Variants in TSHZ2 observed in about 807,000 individuals in gnomAD.
The protein encoded by TSHZ2 is teashirt zinc finger homeobox 2.
In TSHZ2, 21 loss-of-function variants were observed where a neutral mutation model predicts 74.4. The observed-to-expected ratio is 0.28, with a 90% confidence interval of 0.20 to 0.41. The LOEUF is 0.41. Among genes scored for constraint, TSHZ2 ranks in the 10% least tolerant of loss-of-function variants. TSHZ2 has a pLI of 1.00. For synonymous variants in TSHZ2, 540 were observed against 515.3 expected (o/e 1.05, Z -0.65); for missense variants, 1,244 against 1,293.5 (o/e 0.96, Z 0.59).
chr20:53,465,984 AG>A (rs1468661511), intron 2 of TSHZ2, among the ~76,000 whole-genome samples: 5 of 149,352 alleles, frequency 3.3e-5, no homozygotes, highest in Non-Finnish European at 4.5e-5. Context: ...AAAAAAAAAA[AG>A]ACTGTAATCC....
At chr20:53,248,560 T>A (rs1990258405) in intron 1 of TSHZ2, among the ~76,000 whole-genome samples, 1 of 152,236 alleles carries the variant, frequency 6.6e-6, no homozygotes, top group East Asian at 1.9e-4. Context: ...GTATGTCTGC[T>A]AATACATATG....
chr20:53,379,815 A>G (rs1432617326), intron 2 of TSHZ2, among the ~76,000 whole-genome samples: 1 of 152,236 alleles, frequency 6.6e-6, no homozygotes, highest in African/African-American at 2.4e-5. Flanking sequence ...GGTTATAATT[A>G]TCAAACATAT....
At chr20:53,218,629 C>T (rs1176826755) in intron 1 of TSHZ2, among the ~76,000 whole-genome samples, 1 of 152,224 alleles carries the variant, frequency 6.6e-6, no homozygotes, top group Non-Finnish European at 1.5e-5. Flanking sequence ...CTCCCCAATA[C>T]CTACCTCTTT....
intron 2 of TSHZ2, among the ~76,000 whole-genome samples, chr20:53,388,242 T>C (rs1568895903): frequency 6.6e-6 from 1 of 152,170 alleles, no homozygotes; most frequent in Non-Finnish European, 1.5e-5. Context: ...TTCTCTTCAG[T>C]AGGTGAAGAA....
intron 2 of TSHZ2, among the ~76,000 whole-genome samples, chr20:53,258,538 A>G (rs1362687637): frequency 6.6e-6 from 1 of 152,206 alleles, no homozygotes; most frequent in Non-Finnish European, 1.5e-5. Context: ...AATTAATATA[A>G]TTGCCAAAAC....
At chr20:53,117,362 G>A (rs1343815623) in intron 1 of TSHZ2, among the ~76,000 whole-genome samples, 1 of 152,210 alleles carries the variant, frequency 6.6e-6, no homozygotes, top group Non-Finnish European at 1.5e-5. Flanking sequence ...TCCACTTAAT[G>A]TATAGTTATA....
chr20:53,108,199 T>C (rs907933728), intron 1 of TSHZ2, among the ~76,000 whole-genome samples: 2 of 152,176 alleles, frequency 1.3e-5, no homozygotes, highest in African/African-American at 4.8e-5. Context: ...AACTTTAGGA[T>C]AAAGCAGCAA....
At chr20:53,367,294 C>T (rs1981298816) in intron 2 of TSHZ2, among the ~76,000 whole-genome samples, 1 of 151,520 alleles carries the variant, frequency 6.6e-6, no homozygotes, top group Non-Finnish European at 1.5e-5. Flanking sequence ...ATCTCAGCTA[C>T]TCAGGAGACT....
intron 1 of TSHZ2, among the ~76,000 whole-genome samples, chr20:53,047,737 C>T (rs1452058686): frequency 6.6e-6 from 1 of 152,014 alleles, no homozygotes; most frequent in African/African-American, 2.4e-5. Context: ...AAAAAAAAAC[C>T]ATTCTTTACT....
intron 2 of TSHZ2, 147 bp from the exon 3 acceptor site, chr20:53,486,997 G>C (rs1452071946): frequency 6.6e-6 from 1 of 152,248 alleles, no homozygotes; most frequent in Non-Finnish European, 1.5e-5. Flanking sequence ...ATGTTTCACA[G>C]TCTGGTTATA....
intron 1 of TSHZ2, among the ~76,000 whole-genome samples, chr20:53,155,912 T>C (rs1178971798): frequency 6.6e-6 from 1 of 152,180 alleles, no homozygotes; most frequent in Non-Finnish European, 1.5e-5. Context: ...CACCCCTGGA[T>C]GTTTCTCTAA....
intron 1 of TSHZ2, among the ~76,000 whole-genome samples, chr20:53,112,129 A>G (rs1335172424): frequency 1.3e-5 from 2 of 152,192 alleles, no homozygotes; most frequent in East Asian, 3.9e-4. Flanking sequence ...GACAGGGACA[A>G]GGGAGGAAGA....
chr20:53,013,892 G>A (rs1982940511), intron 1 of TSHZ2, among the ~76,000 whole-genome samples: 2 of 152,212 alleles, frequency 1.3e-5, no homozygotes, highest in Non-Finnish European at 2.9e-5. Flanking sequence ...GTGCCAGGCA[G>A]CGTTGAATCC....
At chr20:53,479,147 A>G (rs73137955) in intron 2 of TSHZ2, among the ~76,000 whole-genome samples, 12,843 of 150,868 alleles carry the variant, frequency 0.085, 627 homozygotes, top group East Asian at 0.17. Flanking sequence ...CCTGGGCAAC[A>G]GGGCAAGACT....
chr20:53,373,100 A>G (rs1981536817), intron 2 of TSHZ2, among the ~76,000 whole-genome samples: 3 of 152,232 alleles, frequency 2.0e-5, no homozygotes, highest in Admixed American at 6.5e-5. Context: ...AGAAAATGGA[A>G]AAGTTCACAA....
intron 1 of TSHZ2, 25 bp downstream of exon 1, chr20:52,973,358 G>C (rs1488294190): frequency 1.9e-6 from 3 of 1,550,578 alleles, no homozygotes; most frequent in Non-Finnish European, 2.6e-6. Flanking sequence ...TCCGCTTCGG[G>C]GCTGCCCTGT....
At chr20:53,185,292 T>C in intron 1 of TSHZ2, 1 of 1,034,320 alleles carries the variant, frequency 9.7e-7, no homozygotes, top group Non-Finnish European at 1.2e-6. Context: ...CATTTATTTT[T>C]CTAGAACACA....
At chr20:52,984,396 C>A (rs898388854) in intron 1 of TSHZ2, among the ~76,000 whole-genome samples, 1 of 152,018 alleles carries the variant, frequency 6.6e-6, no homozygotes, top group Admixed American at 6.5e-5. Context: ...TTGGATAAGA[C>A]GATCAGGAAA....
chr20:53,354,622 T>C (rs577875582), intron 2 of TSHZ2, among the ~76,000 whole-genome samples: 1 of 152,334 alleles, frequency 6.6e-6, no homozygotes, highest in South Asian at 2.1e-4. Flanking sequence ...ATGTCTTGCC[T>C]GATTTTTAGT....
Sources: allele counts gnomAD v4.1 joint callset (sites outside exome capture counted in the v4.1 genomes callset), GRCh38; gene constraint gnomAD v4.1.1; transcripts MANE v1.5; gene names NCBI Gene and HGNC (gene_info 2026-07-23, HGNC 2026-07-21).